XDH: variants seen among roughly 807,000 people sequenced by gnomAD.
XDH encodes xanthine dehydrogenase.
A neutral mutation model predicts 156.1 loss-of-function variants in XDH; 138 were observed. That is an observed-to-expected ratio of 0.88 (90% CI 0.77 to 1.02). The LOEUF is 1.02. Among genes scored for constraint, XDH ranks in the 50% least tolerant of loss-of-function variants. The pLI, the probability that XDH is intolerant of heterozygous loss-of-function variation, is 0.00. For synonymous variants in XDH, 669 were observed against 625.7 expected (o/e 1.07, Z -1.03); for missense variants, 1,849 against 1,684.9 (o/e 1.10, Z -1.71).
intron 1 of XDH, among the ~76,000 whole-genome samples, chr2:31,413,937 C>A (rs908803016): frequency 3.3e-5 from 5 of 152,046 alleles, no homozygotes; most frequent in Non-Finnish European, 5.9e-5. Flanking sequence ...GGCTGGTACC[C>A]ATGTCACCTT....
intron 21 of XDH, 59 bp downstream of exon 21, chr2:31,366,811 T>C: frequency 6.2e-7 from 1 of 1,612,232 alleles, no homozygotes; most frequent in Non-Finnish European, 8.5e-7. Context: ...GCCCTCCTGG[T>C]CTGCTAGGAG....
rs2148003135 is a variant in XDH at position 31,397,660 on chromosome 2, C to T, written c.495+8G>A. The T allele has an allele frequency of 1.2e-6, 2 of 1,614,154 alleles. No individual in the cohort carries two copies. The highest frequency in any genetic ancestry group is 1.7e-6 in the Non-Finnish European group (2 of 1,180,020). On this transcript the variant is annotated splice_region_variant and intron_variant, in intron 6 of 35. Coordinates refer to ENST00000379416, the MANE Select transcript of XDH (RefSeq NM_000379.4). ...CAGAGACACTGATGTTCTGGGGTCC[C>T]CACTTACCCTGGCAAAGGTCCGGAA...
intron 24 of XDH, among the ~76,000 whole-genome samples, chr2:31,350,440 G>A (rs1007892108): frequency 8.5e-5 from 11 of 129,638 alleles, no homozygotes; most frequent in African/African-American, 2.6e-4. Flanking sequence ...GCAGTGGAGC[G>A]ATCTTGGCTC....
In XDH at chr2:31,365,923, A is replaced by C. The variant is rs182746439; in HGVS notation, c.2456+53T>G. 13 of 1,613,710 alleles carry C rather than the reference A, an allele frequency of 8.1e-6. No individual in the cohort carries two copies. The East Asian group carries it at 2.9e-4, about 36-fold the overall frequency. On this transcript the variant is annotated intron_variant, in intron 22 of 35. Transcript: ENST00000379416. The stretch of plus-strand genomic sequence containing the variant: ...TCCTGAAAACCTTCCTGGCACAGAC[A>C]GCCTTATTCTTCTTCCCAGAGCCAG...
At chr2:31,376,997 G>A in intron 14 of XDH, 56 bp downstream of exon 14, 5 of 1,602,456 alleles carry the variant, frequency 3.1e-6, no homozygotes, top group Non-Finnish European at 4.3e-6. Context: ...CAGTAACAAT[G>A]ATACTATTAG....
intron 4 of XDH, among the ~76,000 whole-genome samples, chr2:31,399,940 T>C (rs1687012248): frequency 6.6e-6 from 1 of 152,222 alleles, no homozygotes; most frequent in African/African-American, 2.4e-5. Context: ...TTTAAACTGT[T>C]TATTCTTTCT....
chr2:31,366,209 T>A, intron 21 of XDH, 100 bp from the exon 22 acceptor site: 1 of 1,591,334 alleles, frequency 6.3e-7, no homozygotes, highest in Non-Finnish European at 8.6e-7. Context: ...TAATTACTGC[T>A]GCGAATTCTG....
Position 31,377,370 on chromosome 2 carries a change from G to A in XDH, c.1243-133C>T, listed in dbSNP as rs573047613. 1.2e-3 allele frequency: 1,102 copies of A among 919,504 alleles called. 8 individuals are homozygous for A. Among genetic ancestry groups the A allele is most frequent in the African/African-American group, 2.3e-4 (14 of 61,210 alleles). The allele number at this position is 919,504 out of a possible 1,614,324, so 57.0% of individuals were successfully genotyped here. A position where few individuals can be genotyped will look rare whatever the true frequency, so the allele number is the denominator to read the frequency against. ...ACACATCAGTGGGTGAACTGGCCCCGGGAATCAAAGATCAAATGTAACTGA... is the reference window on the plus strand; with the variant it reads ...ACACATCAGTGGGTGAACTGGCCCCAGGAATCAAAGATCAAATGTAACTGA... On this transcript the variant is annotated intron_variant, in intron 13 of 35. Coordinates refer to ENST00000379416, the MANE Select transcript of XDH (RefSeq NM_000379.4).
intron 24 of XDH, among the ~76,000 whole-genome samples, chr2:31,354,601 C>T (rs1219941429): frequency 6.6e-6 from 1 of 152,086 alleles, no homozygotes; most frequent in Non-Finnish European, 1.5e-5. Flanking sequence ...AAAGAAGAAC[C>T]TAATGGGCCT....
chr2:31,339,572 G>A lies in XDH; in HGVS notation c.3691C>T (p.Pro1231Ser). ...TCAATGGGGATGCTGCCAAATGCCG[G>A]GATCTTGTAGGTGCTAGGGCCACGG... ...HTRGPSTYKI[P>S]AFGSIPIEFR... Residue 1231 changes from proline (P) to serine (S), a missense_variant, in exon 34 of 36, where the codon CCG (proline) becomes TCG (serine). By Grantham distance (74) the Pro-to-Ser change is moderately conservative. Transcript: ENST00000379416. The A allele has an allele frequency of 6.2e-7, 1 of 1,614,196 alleles. No individual in the cohort carries two copies. Among genetic ancestry groups the A allele is most frequent in the Middle Eastern group, 1.6e-4 (1 of 6,062 alleles).
chr2:31,383,676 C>T lies in XDH; in HGVS notation c.886+79G>A. 2.1e-6 allele frequency: 3 copies of T among 1,400,216 alleles called. 1 individual carries two copies. In the Admixed American group the frequency reaches 5.8e-5, roughly 27 times the overall value. 86.7% of individuals were successfully genotyped at this position (1,400,216 alleles called of 1,614,324 possible). A position where few individuals can be genotyped will look rare whatever the true frequency, so the allele number is the denominator to read the frequency against. Reference sequence around the variant, plus strand: ...CAGCCAGAGCCAGTGGGGAGACCACCCTGATACCTGCCACCCACCTTGTAA... The same window carrying T: ...CAGCCAGAGCCAGTGGGGAGACCACTCTGATACCTGCCACCCACCTTGTAA... On this transcript the variant is annotated intron_variant, in intron 10 of 35. Transcript: ENST00000379416.
intron 31 of XDH, among the ~76,000 whole-genome samples, chr2:31,343,285 C>T (rs1685172977): frequency 1.5e-5 from 1 of 68,378 alleles, no homozygotes; most frequent in Non-Finnish European, 2.5e-5. Flanking sequence ...ATTTCTTCAC[C>T]ATATATATAT....
chr2:31,346,948 C>T (rs1685313008), intron 29 of XDH, 105 bp from the exon 30 acceptor site: 3 of 1,457,034 alleles, frequency 2.1e-6, no homozygotes, highest in Non-Finnish European at 1.9e-6. Context: ...CAATGCTGTA[C>T]CCAGGGTGCC....
At chr2:31,374,033 G>A in intron 15 of XDH, 77 bp from the exon 16 acceptor site, 2 of 1,410,950 alleles carry the variant, frequency 1.4e-6, no homozygotes, top group Non-Finnish European at 2.0e-6. Flanking sequence ...CCATAAAAAT[G>A]ACCAAACTGA....
In XDH at chr2:31,375,510, G is replaced by C. The variant is rs1382936328; in HGVS notation, c.1472C>G (p.Ala491Gly). ...ATCGGGAGGCAGATGCAGCTCCTCT[G>C]CCAGTCCTGCACACACGTCCTGCAG... is the stretch of plus-strand genomic sequence containing the variant. ...ELLQDVCAGL[A>G]EELHLPPDAP... The change falls in exon 15 of 36, where the codon GCA (alanine) becomes GGA (glycine). Residue 491 changes from alanine (A) to glycine (G), a missense_variant. Physicochemically the swap from Ala to Gly is moderately conservative, Grantham distance 60. Coordinates refer to ENST00000379416, the MANE Select transcript of XDH (RefSeq NM_000379.4). The C allele has an allele frequency of 1.2e-6, 2 of 1,614,016 alleles. No homozygotes were observed. Among genetic ancestry groups the C allele is most frequent in the Non-Finnish European group, 1.7e-6 (2 of 1,180,030 alleles).
At chr2:31,405,994 C>T (rs776083731) in intron 1 of XDH, 30 bp from the exon 2 acceptor site, 1 of 1,607,234 alleles carries the variant, frequency 6.2e-7, no homozygotes, top group Non-Finnish European at 8.5e-7. Flanking sequence ...AAAAATATAT[C>T]ATAGGTATAC....
intron 16 of XDH, among the ~76,000 whole-genome samples, chr2:31,373,074 AC>A (rs1224791126): frequency 6.6e-6 from 1 of 152,242 alleles, no homozygotes; most frequent in African/African-American, 2.4e-5. Flanking sequence ...TAAGCAATTT[AC>A]TTTTATTAAC....
intron 11 of XDH, among the ~76,000 whole-genome samples, 185 bp downstream of exon 11, chr2:31,382,816 C>T (rs903925856): frequency 6.6e-6 from 1 of 152,130 alleles, no homozygotes; most frequent in African/African-American, 2.4e-5. Flanking sequence ...CATCCCAGAC[C>T]CATGTATCAG....
At chr2:31,352,134 T>C (rs1685497552) in intron 24 of XDH, among the ~76,000 whole-genome samples, 1 of 152,184 alleles carries the variant, frequency 6.6e-6, no homozygotes, top group African/African-American at 2.4e-5. Flanking sequence ...CCTCTTGAAC[T>C]GATCCTCAAA....
Sources: gnomAD v4.1 joint callset for allele counts (sites outside exome capture counted in the v4.1 genomes callset) on GRCh38, gnomAD v4.1.1 for gene constraint, MANE v1.5 for transcripts, NCBI Gene and HGNC (gene_info 2026-07-23, HGNC 2026-07-21) for gene names.